Variants in TMEM200A observed in about 807,000 individuals in gnomAD.
TMEM200A encodes two transmembrane C.
A neutral mutation model predicts 24.3 loss-of-function variants in TMEM200A; 12 were observed. The ratio of observed to expected loss-of-function variants is 0.49; its 90% CI spans 0.32 to 0.80. The LOEUF is 0.80. Ranked by LOEUF, TMEM200A falls within the 30% of genes least tolerant of loss-of-function variation. The pLI, the probability that TMEM200A is intolerant of heterozygous loss-of-function variation, is 0.04. For missense variants in TMEM200A, 545 were observed against 614.4 expected, an observed-to-expected ratio of 0.89 and a Z score of 1.19; for synonymous variants, 224 against 224.4, an observed-to-expected ratio of 1.00 and a Z score of 0.02.
chr6:130,387,597 A>G (rs1264142627), intron 2 of TMEM200A, among the ~76,000 whole-genome samples: 1 of 152,168 alleles, frequency 6.6e-6, no homozygotes, highest in Non-Finnish European at 1.5e-5. Context: ...AAAAGGGTAA[A>G]CAACTCTTTT....
chr6:130,366,305 C>G lies in TMEM200A; in HGVS notation c.-300C>G. ...GCTTGCACCCCTTGCCACCCGCCCC[C>G]TCGCCTGACTCATCCGCCCGCGGTG... On this transcript the variant is annotated 5_prime_UTR_variant, in exon 1 of 3. Transcript: ENST00000296978. The surrounding 1 kb of genome is among the most constrained non-coding windows in gnomAD (Gnocchi z 4.4). 1.0e-6 allele frequency: 1 copy of G among 985,410 alleles called. No homozygotes were observed. Among genetic ancestry groups the G allele is most frequent in the Non-Finnish European group, 1.2e-6 (1 of 829,932 alleles). The allele number at this position is 985,410 out of a possible 1,614,324, so 61.0% of individuals were successfully genotyped here.
At chr6:130,367,811 A>C (rs758726769) in intron 1 of TMEM200A, among the ~76,000 whole-genome samples, 35 of 152,200 alleles carry the variant, frequency 2.3e-4, no homozygotes, top group Non-Finnish European at 4.0e-4. Context: ...ACACACACTG[A>C]GGTGTTTAGA....
intron 1 of TMEM200A, among the ~76,000 whole-genome samples, chr6:130,370,167 G>A (rs922287406): frequency 1.3e-5 from 2 of 152,200 alleles, no homozygotes; most frequent in Non-Finnish European, 2.9e-5. Context: ...ACTCTTTCTG[G>A]ATATGGAGAA....
Position 130,440,837 on chromosome 6 carries a change from A to G in TMEM200A, c.415A>G (p.Ile139Val). The change falls in exon 3 of 3, where the codon ATT becomes GTT. Residue 139 changes from isoleucine (I) to valine (V), a missense_variant. Coordinates refer to ENST00000296978, the MANE Select transcript of TMEM200A (RefSeq NM_001258277.2). ...GPFTMGIGIF[I>V]FICANAILHE... ...ATTCACCATGGGGATTGGCATTTTC[A>G]TTTTCATTTGTGCTAATGCCATTCT... The G allele has an allele frequency of 6.2e-7, 1 of 1,613,928 alleles. No homozygotes were observed. Among genetic ancestry groups the G allele is most frequent in the South Asian group, 1.1e-5 (1 of 91,072 alleles).
intron 2 of TMEM200A, among the ~76,000 whole-genome samples, chr6:130,440,041 T>TGTGA (rs935946774): frequency 4.7e-5 from 7 of 149,662 alleles, no homozygotes; most frequent in African/African-American, 1.7e-4. Context: ...TGTGTGTGTG[T>TGTGA]GAGAGAGAGA....
intron 2 of TMEM200A, among the ~76,000 whole-genome samples, chr6:130,389,574 T>G (rs2115105275): frequency 6.6e-6 from 1 of 152,102 alleles, no homozygotes. Context: ...AACAATAATA[T>G]AGCTTGTTAG....
Position 130,425,232 on chromosome 6 carries a change from A to G in TMEM200A, c.-16-15175A>G, listed in dbSNP as rs565692337. ...GCAGAAATCAATGTTAAACATCACA[A>G]GAGTTTAAAAGTCATGGTTCCCTTG... On this transcript the variant is annotated intron_variant, in intron 2 of 2. Coordinates refer to ENST00000296978, the MANE Select transcript of TMEM200A (RefSeq NM_001258277.2). 1.3e-3 allele frequency among the ~76,000 whole-genome samples: 199 copies of G among 151,916 alleles called. 1 individual carries two copies. The highest frequency in any genetic ancestry group is 2.7e-3 in the East Asian group (14 of 5,184).
chr6:130,397,832 AT>A (rs1322674756), intron 2 of TMEM200A, among the ~76,000 whole-genome samples: 3 of 151,216 alleles, frequency 2.0e-5, no homozygotes, highest in Non-Finnish European at 4.4e-5. Flanking sequence ...GAAGGTATAC[AT>A]TTTTATAATA....
At chr6:130,365,657 C>G (rs1028601511), upstream of TMEM200A, 27 of 985,342 alleles carry the variant, frequency 2.7e-5, no homozygotes, top group Non-Finnish European at 3.3e-5. Context: ...AGAGGCGGGC[C>G]CCACGGGTGG....
intron 1 of TMEM200A, among the ~76,000 whole-genome samples, chr6:130,384,702 A>G (rs914145562): frequency 6.6e-6 from 1 of 152,238 alleles, no homozygotes; most frequent in Non-Finnish European, 1.5e-5. Context: ...TTCAGAAAGG[A>G]ATAGCATGTT....
intron 2 of TMEM200A, among the ~76,000 whole-genome samples, chr6:130,387,516 G>T (rs111583288): frequency 3.9e-5 from 6 of 152,230 alleles, no homozygotes; most frequent in African/African-American, 1.4e-4. Flanking sequence ...TAGGTGATCC[G>T]CCTGCCTCGG....
chr6:130,434,209 C>CTATAT (rs1382392140), intron 2 of TMEM200A, among the ~76,000 whole-genome samples: 3 of 152,140 alleles, frequency 2.0e-5, no homozygotes, highest in Admixed American at 6.5e-5. Context: ...ATATGCCAGG[C>CTATAT]ACTCTGCCAA....
intron 2 of TMEM200A, among the ~76,000 whole-genome samples, chr6:130,425,122 T>TAAGA (rs1779699177): frequency 6.6e-6 from 1 of 152,126 alleles, no homozygotes; most frequent in Admixed American, 6.6e-5. Context: ...CTCAGCCCAG[T>TAAGA]AAGAGCACAG....
At chr6:130,377,448 T>A (rs1056639102) in intron 1 of TMEM200A, among the ~76,000 whole-genome samples, 1 of 152,158 alleles carries the variant, frequency 6.6e-6, no homozygotes, top group African/African-American at 2.4e-5. Flanking sequence ...CTCATCTGTT[T>A]ATTTGGCAGG....
At chr6:130,427,899 T>C (rs1779785785) in intron 2 of TMEM200A, among the ~76,000 whole-genome samples, 1 of 152,182 alleles carries the variant, frequency 6.6e-6, no homozygotes, top group Non-Finnish European at 1.5e-5. Flanking sequence ...CTTGGCTTGC[T>C]ATCTCTAACA....
intron 1 of TMEM200A, among the ~76,000 whole-genome samples, chr6:130,369,755 CTT>C (rs1462418212): frequency 2.0e-5 from 3 of 152,168 alleles, no homozygotes; most frequent in African/African-American, 7.2e-5. Flanking sequence ...GCTTTGGAAA[CTT>C]TGTCACCAGA....
At chr6:130,411,812 G>A (rs1037016951) in intron 2 of TMEM200A, among the ~76,000 whole-genome samples, 1 of 152,116 alleles carries the variant, frequency 6.6e-6, no homozygotes, top group Non-Finnish European at 1.5e-5. Flanking sequence ...GTTCACTTTG[G>A]TCACTTGATT....
chr6:130,434,534 T>C (rs1452457483), intron 2 of TMEM200A, among the ~76,000 whole-genome samples: 5 of 152,084 alleles, frequency 3.3e-5, no homozygotes, highest in African/African-American at 1.2e-4. Context: ...CTTCTGTGAG[T>C]GTGAGAATAC....
At chr6:130,412,001 A>G (rs1779341341) in intron 2 of TMEM200A, among the ~76,000 whole-genome samples, 1 of 151,308 alleles carries the variant, frequency 6.6e-6, no homozygotes, top group African/African-American at 2.4e-5. Context: ...TGACACTATC[A>G]TTATTTCTTT....
Sources: allele counts gnomAD v4.1 joint callset (sites outside exome capture counted in the v4.1 genomes callset), GRCh38; gene constraint gnomAD v4.1.1; non-coding constraint Gnocchi (gnomAD v3.1); transcripts MANE v1.5; gene names NCBI Gene and HGNC (gene_info 2026-07-23, HGNC 2026-07-21).